WIPI2: variants seen among roughly 807,000 people sequenced by gnomAD.
WIPI2 encodes the protein WD repeat domain phosphoinositide-interacting protein 2.
In WIPI2, 28 loss-of-function variants were observed where a neutral mutation model predicts 52.3. That is an observed-to-expected ratio of 0.54 (90% confidence interval 0.40 to 0.73). The LOEUF is 0.73. WIPI2 is among the 30% of genes least tolerant of loss of function. The pLI is 0.00. For synonymous variants in WIPI2, 268 were observed against 245.0 expected (o/e 1.09, Z -0.88); for missense variants, 506 against 602.9 (o/e 0.84, Z 1.68).
chr7:5,231,975 C>T lies in WIPI2; in HGVS notation c.*1028C>T, dbSNP rs1783742573. ...TTTCTATTTTCATCTTAGAAAATTT[C>T]CTCAGCAAACCGATGAGAGATTGTG... is the stretch of plus-strand genomic sequence containing the variant. On this transcript the variant is annotated 3_prime_UTR_variant, in exon 13 of 13. Transcript: ENST00000288828. The T allele has an allele frequency of 2.6e-6, 1 of 390,406 alleles. No individual in the cohort carries two copies. Among genetic ancestry groups the T allele is most frequent in the Non-Finnish European group, 4.5e-6 (1 of 221,158 alleles). 24.2% of individuals were successfully genotyped at this position (390,406 alleles called of 1,614,324 possible). A position where few individuals can be genotyped will look rare whatever the true frequency, so the allele number is the denominator to read the frequency against.
rs571203380 is a variant in WIPI2 at position 5,232,423 on chromosome 7, TCCTC to T, written c.*1479_*1482del. 4.5e-4 allele frequency: 178 copies of T among 397,900 alleles called. No individual in the cohort carries two copies. Among genetic ancestry groups the T allele is most frequent in the African/African-American group, 3.0e-3 (148 of 48,746 alleles). 24.6% of individuals were successfully genotyped at this position (397,900 alleles called of 1,614,324 possible). ...GGAGTCCGACTCACCTACACCGGCT[TCCTC>T]CCAGCCGCTGGTGTGCGGCACACAC... On this transcript the variant is annotated 3_prime_UTR_variant, in exon 13 of 13. Transcript: ENST00000288828.
rs143870480 is a variant in WIPI2 at position 5,191,151 on chromosome 7, C to T, written c.74+658C>T. ...TCTCCTGCCTCAGCCTCCCGAGTAGCTGAGACTACAGGCACGCGCCACTGT... is the reference window on the plus strand; with the variant it reads ...TCTCCTGCCTCAGCCTCCCGAGTAGTTGAGACTACAGGCACGCGCCACTGT... On this transcript the variant is annotated intron_variant, in intron 1 of 12. Coordinates refer to ENST00000288828, the MANE Select transcript of WIPI2 (RefSeq NM_015610.4). Among the ~76,000 whole-genome samples the T allele has an allele frequency of 1.4e-3, 216 of 152,188 alleles. No homozygotes were observed. The Middle Eastern group carries it at 0.017, about 12-fold the overall frequency.
intron 2 of WIPI2, among the ~76,000 whole-genome samples, chr7:5,198,302 A>C (rs1007870010): frequency 6.6e-6 from 1 of 151,804 alleles, no homozygotes; most frequent in African/African-American, 2.4e-5. Flanking sequence ...AAAATTTAGA[A>C]AATTCACTTA....
In WIPI2 at chr7:5,232,738, G is replaced by A. The variant is rs988991372; in HGVS notation, c.*1791G>A. 6.1e-6 allele frequency: 1 copy of A among 162,860 alleles called. No individual in the cohort carries two copies. Among genetic ancestry groups the A allele is most frequent in the Non-Finnish European group, 1.3e-5 (1 of 76,360 alleles). 10.1% of individuals were successfully genotyped at this position (162,860 alleles called of 1,614,324 possible). On this transcript the variant is annotated 3_prime_UTR_variant, in exon 13 of 13. Coordinates refer to ENST00000288828, the MANE Select transcript of WIPI2 (RefSeq NM_015610.4). ...AGCCACTTTTGGCAAGAGTGAGTGTGGGGGGAAAAAGTGTGCACAAGAGAT... is the reference window on the plus strand; with the variant it reads ...AGCCACTTTTGGCAAGAGTGAGTGTAGGGGGAAAAAGTGTGCACAAGAGAT...
intron 10 of WIPI2, 49 bp from the exon 11 acceptor site, chr7:5,228,055 C>A (rs377274881): frequency 1.3e-6 from 2 of 1,581,562 alleles, no homozygotes; most frequent in Admixed American, 1.7e-5. Context: ...GTAGTAAGAC[C>A]GTTTCTGTGA....
Position 5,232,461 on chromosome 7 carries a change from C to G in WIPI2, c.*1514C>G. On this transcript the variant is annotated 3_prime_UTR_variant, in exon 13 of 13. Coordinates refer to ENST00000288828, the MANE Select transcript of WIPI2 (RefSeq NM_015610.4). ...TGGTGTGCGGCACACACAACATCTG[C>G]ATTAGGCAGAGGTGCAAGTGGGCTG... The G allele has an allele frequency of 2.5e-6, 1 of 397,484 alleles. No homozygotes were observed. Among genetic ancestry groups the G allele is most frequent in the Non-Finnish European group, 4.4e-6 (1 of 225,854 alleles). 24.6% of individuals were successfully genotyped at this position (397,484 alleles called of 1,614,324 possible).
chr7:5,190,261 A>C lies in WIPI2; in HGVS notation c.-159A>C, dbSNP rs944929507. ...CCGGGTGCCCCGGCTCTGGAGCATA[A>C]ACAAGAGCGGGGACGGGATGAGGCG... On this transcript the variant is annotated 5_prime_UTR_variant, in exon 1 of 13. Transcript: ENST00000288828. 3 of 365,486 alleles carry C rather than the reference A, an allele frequency of 8.2e-6. No homozygotes were observed. The highest frequency in any genetic ancestry group is 1.3e-5 in the Non-Finnish European group (3 of 222,786). 22.6% of individuals were successfully genotyped at this position (365,486 alleles called of 1,614,324 possible). A position where few individuals can be genotyped will look rare whatever the true frequency, so the allele number is the denominator to read the frequency against.
chr7:5,199,315 T>C (rs1781913934), intron 2 of WIPI2, among the ~76,000 whole-genome samples: 1 of 152,260 alleles, frequency 6.6e-6, no homozygotes, highest in Admixed American at 6.5e-5. Flanking sequence ...GTGTTGGGAT[T>C]ACAGGCATGA....
Position 5,190,253 on chromosome 7 carries a change from G to A in WIPI2, c.-167G>A, listed in dbSNP as rs1247600474. ...CAGGCGTACCGGGTGCCCCGGCTCTGGAGCATAAACAAGAGCGGGGACGGG... is the reference window on the plus strand; with the variant it reads ...CAGGCGTACCGGGTGCCCCGGCTCTAGAGCATAAACAAGAGCGGGGACGGG... On this transcript the variant is annotated 5_prime_UTR_variant, in exon 1 of 13. Transcript: ENST00000288828. 2 of 347,780 alleles carry A rather than the reference G, an allele frequency of 5.8e-6. No homozygotes were observed. Among genetic ancestry groups the A allele is most frequent in the Non-Finnish European group, 9.6e-6 (2 of 207,970 alleles). 21.5% of individuals were successfully genotyped at this position (347,780 alleles called of 1,614,324 possible).
chr7:5,217,327 C>T (rs1185958438), intron 6 of WIPI2, 140 bp downstream of exon 6: 1 of 891,766 alleles, frequency 1.1e-6, no homozygotes, highest in Non-Finnish European at 1.8e-6. Flanking sequence ...GTTTTTGAGA[C>T]AGGGTCTGGC....
intron 12 of WIPI2, 126 bp downstream of exon 12, chr7:5,229,864 C>A: frequency 1.5e-6 from 2 of 1,363,728 alleles, no homozygotes; most frequent in Non-Finnish European, 2.0e-6. Context: ...GTTCTGAGAA[C>A]ATAAGCGAGG....
chr7:5,205,138 G>A (rs553518635), intron 3 of WIPI2, among the ~76,000 whole-genome samples: 13 of 152,196 alleles, frequency 8.5e-5, no homozygotes, highest in African/African-American at 3.1e-4. Context: ...ACCACGCCCG[G>A]CTACATTTTG....
chr7:5,196,422 T>C (rs904286572), intron 2 of WIPI2, among the ~76,000 whole-genome samples: 14 of 152,194 alleles, frequency 9.2e-5, no homozygotes, highest in African/African-American at 2.9e-4. Context: ...TCAAAAAATA[T>C]TTGGAATATT....
chr7:5,214,487 A>C (rs544656882), intron 3 of WIPI2, 48 bp from the exon 4 acceptor site: 3 of 1,614,142 alleles, frequency 1.9e-6, no homozygotes, highest in Admixed American at 1.7e-5. Flanking sequence ...GCCTGTGGCC[A>C]TAGCCATGTG....
Position 5,227,824 on chromosome 7 carries a change from C to G in WIPI2, c.1014-280C>G, listed in dbSNP as rs576458770. Among the ~76,000 whole-genome samples the G allele has an allele frequency of 6.6e-6, 1 of 152,338 alleles. No homozygotes were observed. Among genetic ancestry groups the G allele is most frequent in the African/African-American group, 2.4e-5 (1 of 41,586 alleles). On this transcript the variant is annotated intron_variant, in intron 10 of 12. Coordinates refer to ENST00000288828, the MANE Select transcript of WIPI2 (RefSeq NM_015610.4). This position sits in a 1 kb window ranked among gnomAD's most constrained non-coding sequence, Gnocchi z 8.1. ...TTTTCCAGTTTTGTTATCTGACTAG[C>G]ATCCTGGAAAACTTCTCTGACGATG...
chr7:5,200,534 G>A (rs563691015), intron 3 of WIPI2, among the ~76,000 whole-genome samples: 2 of 147,834 alleles, frequency 1.4e-5, no homozygotes, highest in South Asian at 2.2e-4. Flanking sequence ...TTGTGTGTGC[G>A]TAGGTTCTGT....
intron 11 of WIPI2, among the ~76,000 whole-genome samples, chr7:5,229,109 A>G (rs553140477): frequency 2.6e-5 from 4 of 152,216 alleles, no homozygotes; most frequent in Non-Finnish European, 4.4e-5. Flanking sequence ...TCCGCCTCCC[A>G]GGTTCAAGCG....
At chr7:5,201,980 A>G (rs774422600) in intron 3 of WIPI2, among the ~76,000 whole-genome samples, 1 of 152,034 alleles carries the variant, frequency 6.6e-6, no homozygotes, top group Non-Finnish European at 1.5e-5. Context: ...GAATGTCTCT[A>G]GAAAACAGGT....
rs1422269538 is a variant in WIPI2 at position 5,227,296 on chromosome 7, C to T, written c.965C>T (p.Thr322Met). The T allele has an allele frequency of 1.9e-6, 3 of 1,612,768 alleles. No homozygotes were observed. The highest frequency in any genetic ancestry group is 1.7e-6 in the Non-Finnish European group (2 of 1,180,004). ...EMFNQGRAFA[T>M]VRLPFCGHKN... ...TTCAACCAGGGCAGAGCCTTCGCCA[C>T]GGTCCGCCTGCCATTCTGCGGCCAC... Residue 322 changes from threonine to methionine, a missense_variant, in exon 10 of 13, where the codon ACG becomes ATG. Transcript: ENST00000288828. The surrounding 1 kb of genome is among the most constrained non-coding windows in gnomAD (Gnocchi z 8.1).
Sources: allele counts gnomAD v4.1 joint callset (sites outside exome capture counted in the v4.1 genomes callset), GRCh38; gene constraint gnomAD v4.1.1; non-coding constraint Gnocchi (gnomAD v3.1); transcripts MANE v1.5; gene names NCBI Gene and HGNC (gene_info 2026-07-23, HGNC 2026-07-21).